Variants in PI4KA observed in about 807,000 individuals in gnomAD.
PI4KA encodes the protein phosphatidylinositol 4-kinase alpha.
Under a neutral mutation model 271.4 loss-of-function variants are expected in PI4KA, and 122 were observed. The observed-to-expected ratio is 0.45, with a 90% CI of 0.39 to 0.52. The LOEUF (loss-of-function observed/expected upper bound fraction) is 0.52. Ranked by LOEUF, PI4KA falls within the 20% of genes least tolerant of loss-of-function variation. PI4KA has a pLI of 0.00. For missense variants in PI4KA, 1,969 were observed against 2,769.1 expected, an observed-to-expected ratio of 0.71 and a Z score of 6.48; for synonymous variants, 1,041 against 1,078.8, an observed-to-expected ratio of 0.96 and a Z score of 0.69.
At chr22:20,716,775 C>G (rs1390318995) in intron 45 of PI4KA, among the ~76,000 whole-genome samples, 1 of 152,250 alleles carries the variant, frequency 6.6e-6, no homozygotes, top group East Asian at 1.9e-4. Context: ...GGAACAGAGG[C>G]CCTGCATACA....
chr22:20,810,506 C>T (rs1342811831), intron 9 of PI4KA, among the ~76,000 whole-genome samples: 1 of 148,540 alleles, frequency 6.7e-6, no homozygotes, highest in Non-Finnish European at 1.5e-5. Flanking sequence ...GAGACTCCAT[C>T]TCAAAAAAAA....
intron 3 of PI4KA, 39 bp from the exon 4 acceptor site, chr22:20,824,453 C>A (rs758776197): frequency 2.1e-6 from 3 of 1,434,608 alleles, no homozygotes; most frequent in Non-Finnish European, 2.9e-6. Context: ...AACCAGGAAC[C>A]AGATACTGGG....
intron 23 of PI4KA, among the ~76,000 whole-genome samples, chr22:20,755,779 G>C (rs1931220338): frequency 6.6e-6 from 1 of 151,130 alleles, no homozygotes; most frequent in Non-Finnish European, 1.5e-5. Flanking sequence ...TCTAGGCTGG[G>C]TGACAGAGCG....
intron 1 of PI4KA, among the ~76,000 whole-genome samples, chr22:20,846,862 G>T (rs926667053): frequency 5.5e-5 from 8 of 146,370 alleles, no homozygotes; most frequent in African/African-American, 1.3e-4. Flanking sequence ...AAAAAAGGGT[G>T]GGGGGCCAGG....
At chr22:20,857,386 G>T (rs1208901980) in intron 1 of PI4KA, among the ~76,000 whole-genome samples, 1 of 152,148 alleles carries the variant, frequency 6.6e-6, no homozygotes. Flanking sequence ...AACCGACAAG[G>T]CCAAGGACCA....
chr22:20,718,677 G>GA lies in PI4KA; in HGVS notation c.5246+15dup. The GA allele has an allele frequency of 6.2e-7, 1 of 1,612,648 alleles. No homozygotes were observed. Among genetic ancestry groups the GA allele is most frequent in the Non-Finnish European group, 8.5e-7 (1 of 1,179,750 alleles). On this transcript the variant is annotated intron_variant, in intron 44 of 54. Transcript: ENST00000255882. ...AAGGAGATCCCAGAAGGTGGTTTCT[G>GA]AAGCACTGCACTTACTTGATGATAG...
chr22:20,717,845 G>C (rs1270246830), intron 44 of PI4KA, 67 bp from the exon 45 acceptor site: 11 of 1,183,586 alleles, frequency 9.3e-6, no homozygotes, highest in Admixed American at 7.9e-5. Flanking sequence ...GACAGCCCAG[G>C]GCCCCTCCTG....
intron 1 of PI4KA, among the ~76,000 whole-genome samples, chr22:20,858,026 T>C (rs1016504342): frequency 6.6e-6 from 1 of 152,138 alleles, no homozygotes; most frequent in East Asian, 1.9e-4. Flanking sequence ...CCTCGTAGAA[T>C]AACACTGCGC....
chr22:20,819,717 AG>A lies in PI4KA; in HGVS notation c.712del (p.Leu238SerfsTer6). The A allele has an allele frequency of 6.2e-7, 1 of 1,613,972 alleles. No individual in the cohort carries two copies. The highest frequency in any genetic ancestry group is 8.5e-7 in the Non-Finnish European group (1 of 1,179,940). Reference sequence around the variant, plus strand: ...ACAGACAGTCAGCAGATTGCTGGGGAGGATGGAGCGGAAGTCATTAAAGGAA... The same window carrying A: ...ACAGACAGTCAGCAGATTGCTGGGGAGATGGAGCGGAAGTCATTAAAGGAA... The part of the protein sequence containing the change: ...RRSFNDFRSI[L>X]PSNLLTVCQE... On this transcript the variant is annotated frameshift_variant, in exon 6 of 55. Transcript: ENST00000255882. LOFTEE classifies it high-confidence loss of function.
At position 20,784,367 on chromosome 22, in the gene PI4KA, T is replaced by A. The variant is rs1934041201; in HGVS notation, c.2328+8826A>T. 5 of 1,314,024 alleles carry A rather than the reference T, an allele frequency of 3.8e-6. No homozygotes were observed. In the South Asian group the frequency reaches 6.3e-5, roughly 17 times the overall value. 81.4% of individuals were successfully genotyped at this position (1,314,024 alleles called of 1,614,324 possible). On this transcript the variant is annotated intron_variant, in intron 19 of 54. Coordinates refer to ENST00000255882, the MANE Select transcript of PI4KA (RefSeq NM_058004.4). ...ATGTACAAGTACCCAAGAACTTCCA[T>A]ACAGGGCCACTCTGTTAATTCAGCC...
chr22:20,810,748 A>G (rs1392467712), intron 9 of PI4KA, among the ~76,000 whole-genome samples: 1 of 152,132 alleles, frequency 6.6e-6, no homozygotes, highest in African/African-American at 2.4e-5. Context: ...TAATGCCACC[A>G]GTCAGAGGCA....
chr22:20,714,714 G>C lies in PI4KA; in HGVS notation c.5318-14C>G. The stretch of plus-strand genomic sequence containing the variant: ...GCAGGTAGCAGCCTGTGCAGGGACA[G>C]AGGCAGTCACAGGGAGTGCATGTGT... On this transcript the variant is annotated splice_polypyrimidine_tract_variant and intron_variant, in intron 45 of 54. Transcript: ENST00000255882. 1 of 1,612,886 alleles carries C rather than the reference G, an allele frequency of 6.2e-7. No individual in the cohort carries two copies. Among genetic ancestry groups the C allele is most frequent in the South Asian group, 1.1e-5 (1 of 90,976 alleles).
At chr22:20,758,872 G>A (rs1301003589) in intron 23 of PI4KA, among the ~76,000 whole-genome samples, 1 of 152,130 alleles carries the variant, frequency 6.6e-6, no homozygotes, top group African/African-American at 2.4e-5. Flanking sequence ...CTGCCAGAAG[G>A]GGGAGCTTCC....
In PI4KA at chr22:20,764,807, G is replaced by A; in HGVS notation, c.2708+10C>T. The A allele has an allele frequency of 6.2e-7, 1 of 1,604,484 alleles. No individual in the cohort carries two copies. Among genetic ancestry groups the A allele is most frequent in the Non-Finnish European group, 8.5e-7 (1 of 1,174,288 alleles). On this transcript the variant is annotated intron_variant, in intron 22 of 54. Transcript: ENST00000255882. ...GATGTGCATGTGCATGGTGGTGAAG[G>A]CACGTGTACCTCATGTACTCCAGCC... is the stretch of plus-strand genomic sequence containing the variant.
At chr22:20,849,964 T>A (rs1926755640) in intron 1 of PI4KA, among the ~76,000 whole-genome samples, 1 of 152,074 alleles carries the variant, frequency 6.6e-6, no homozygotes, top group Non-Finnish European at 1.5e-5. Context: ...AAACTAGTGG[T>A]TGTCTAGGGA....
intron 3 of PI4KA, among the ~76,000 whole-genome samples, chr22:20,833,651 GTTTTT>G: frequency 1.0e-5 from 1 of 95,598 alleles, no homozygotes; most frequent in Non-Finnish European, 2.0e-5. Context: ...GTTTTGGTTT[GTTTTT>G]GTTTTTTTTT....
chr22:20,834,254 G>A (rs1251640097), intron 3 of PI4KA, among the ~76,000 whole-genome samples: 1 of 152,100 alleles, frequency 6.6e-6, no homozygotes, highest in Non-Finnish European at 1.5e-5. Flanking sequence ...TTTGGGGACG[G>A]GCAGATGACC....
chr22:20,735,392 A>G (rs1387964862), intron 32 of PI4KA, among the ~76,000 whole-genome samples: 3 of 147,298 alleles, frequency 2.0e-5, no homozygotes, highest in African/African-American at 7.6e-5. Flanking sequence ...TGAGTAGAAC[A>G]CACACCGCGG....
chr22:20,776,886 T>C (rs1160411499), intron 19 of PI4KA, among the ~76,000 whole-genome samples: 1 of 151,690 alleles, frequency 6.6e-6, no homozygotes, highest in African/African-American at 2.4e-5. Context: ...AGTTACCCCA[T>C]CTTCAGGCCT....
Sources: gnomAD v4.1 joint callset for allele counts (sites outside exome capture counted in the v4.1 genomes callset) on GRCh38, gnomAD v4.1.1 for gene constraint, MANE v1.5 for transcripts, NCBI Gene and HGNC (gene_info 2026-07-23, HGNC 2026-07-21) for gene names.